ACVR2B: variants seen among roughly 807,000 people sequenced by gnomAD.
The protein encoded by ACVR2B is activin A receptor type 2B.
A neutral mutation model predicts 65.1 loss-of-function variants in ACVR2B; 18 were observed. The observed-to-expected ratio is 0.28, with a 90% CI of 0.19 to 0.41. The LOEUF is 0.41. Ranked by LOEUF, ACVR2B falls within the 10% of genes least tolerant of loss-of-function variation. ACVR2B has a pLI of 1.00. For synonymous variants in ACVR2B, 298 were observed against 277.7 expected (o/e 1.07, Z -0.73); for missense variants, 482 against 682.7 (o/e 0.71, Z 3.28).
chr3:38,477,799 C>CAGGATAGAGGTGGGG lies in ACVR2B; in HGVS notation c.261-59_261-58insATAGAGGTGGGGAGG. 6.5e-7 allele frequency: 1 copy of CAGGATAGAGGTGGGG among 1,542,130 alleles called. No individual in the cohort carries two copies. Among genetic ancestry groups the CAGGATAGAGGTGGGG allele is most frequent in the Non-Finnish European group, 9.0e-7 (1 of 1,114,382 alleles). On this transcript the variant is annotated intron_variant, in intron 2 of 10. Coordinates refer to ENST00000352511, the MANE Select transcript of ACVR2B (RefSeq NM_001106.4). The surrounding 1 kb of genome is among the most constrained non-coding windows in gnomAD (Gnocchi z 6.7). ...TGTCTGTGAGGAGGGGTTGGCAGGGCAGGCCTGGGGGAGTCTTGCATCCCC... is the reference window on the plus strand; with the variant it reads ...TGTCTGTGAGGAGGGGTTGGCAGGGCAGGATAGAGGTGGGGAGGCCTGGGGGAGTCTTGCATCCCC...
At chr3:38,454,674 C>T in intron 1 of ACVR2B, 1 of 280,832 alleles carries the variant, frequency 3.6e-6, no homozygotes, top group East Asian at 5.7e-5. Flanking sequence ...CGCGTGGAAC[C>T]CAGGGAAAGA....
chr3:38,469,123 C>T (rs1414853377), intron 1 of ACVR2B, among the ~76,000 whole-genome samples: 3 of 152,160 alleles, frequency 2.0e-5, no homozygotes, highest in African/African-American at 7.2e-5. Flanking sequence ...ATTTACATTT[C>T]TGGCATTTGT....
chr3:38,468,917 C>T (rs1006076965), intron 1 of ACVR2B, among the ~76,000 whole-genome samples: 2 of 152,186 alleles, frequency 1.3e-5, no homozygotes, highest in African/African-American at 4.8e-5. Flanking sequence ...GGAAGCTCTC[C>T]TTCCAGTGTT....
rs375094633 is a variant in ACVR2B at position 38,478,251 on chromosome 3, C to G, written c.481C>G (p.Arg161Gly). 9 of 1,613,956 alleles carry G rather than the reference C, an allele frequency of 5.6e-6. No homozygotes were observed. The highest frequency in any genetic ancestry group is 1.7e-6 in the Non-Finnish European group (2 of 1,180,014). ...CGTCCTGCTGGCCTTTTGGATGTAC[C>G]GGCATCGCAAGCCCCCCTACGGTCA... ...LIVLLAFWMY[R>G]HRKPPYGHVD... Residue 161 changes from arginine (R) to glycine (G), a missense_variant, in exon 4 of 11, where the codon CGG becomes GGG. By Grantham distance (125) the Arg-to-Gly change is moderately radical (BLOSUM62 -2). Around this residue, in one of 5 missense-constraint regions of ACVR2B, gnomAD observed 95 missense variants for 91.6 expected, o/e 1.04. Transcript: ENST00000352511.
At position 38,485,390 on chromosome 3, in the gene ACVR2B, C is replaced by T. The variant is rs1299382294; in HGVS notation, c.*2058C>T. The T allele has an allele frequency of 6.6e-6, 1 of 152,280 alleles. No individual in the cohort carries two copies. Among genetic ancestry groups the T allele is most frequent in the Non-Finnish European group, 1.5e-5 (1 of 68,096 alleles). The allele number at this position is 152,280 out of a possible 1,614,324, so 9.4% of individuals were successfully genotyped here. A position where few individuals can be genotyped will look rare whatever the true frequency, so the allele number is the denominator to read the frequency against. On this transcript the variant is annotated 3_prime_UTR_variant, in exon 11 of 11. Transcript: ENST00000352511. ...GAAGCACACCGTGACTCAGGCCAGT[C>T]TTTTAGTGCAGCGTGTCTGGGAGTG... is the stretch of plus-strand genomic sequence containing the variant.
In ACVR2B at chr3:38,482,470, T is replaced by C. The variant is rs375131694; in HGVS notation, c.1254T>C (p.Ile418=). ...DEYMLPFEEE[I]GQHPSLEELQ... is the part of the protein sequence containing the mutation. ...ACATGCTGCCCTTTGAGGAAGAGAT[T>C]GGCCAGCACCCTTCGTTGGAGGAGC... Residue 418 remains isoleucine (I), a synonymous_variant, in exon 10 of 11, where the codon ATT becomes ATC. Coordinates refer to ENST00000352511, the MANE Select transcript of ACVR2B (RefSeq NM_001106.4). 1.5e-5 allele frequency: 24 copies of C among 1,612,774 alleles called. No individual in the cohort carries two copies. The highest frequency in any genetic ancestry group is 1.9e-5 in the Non-Finnish European group (23 of 1,179,864).
intron 1 of ACVR2B, chr3:38,454,912 G>T (rs1276769109): frequency 6.6e-6 from 1 of 152,334 alleles, no homozygotes; most frequent in Non-Finnish European, 1.5e-5. Context: ...GGCTGTTGGT[G>T]CTGGCTCCCA....
At chr3:38,460,550 G>A (rs964470210) in intron 1 of ACVR2B, among the ~76,000 whole-genome samples, 1 of 152,170 alleles carries the variant, frequency 6.6e-6, no homozygotes, top group African/African-American at 2.4e-5. Context: ...GCTTTCCCCT[G>A]GTTATTCTAG....
Position 38,477,276 on chromosome 3 carries a change from CTG to C in ACVR2B, c.53-10_53-9del. On this transcript the variant is annotated splice_polypyrimidine_tract_variant and intron_variant, in intron 1 of 10. Transcript: ENST00000352511. The surrounding 1 kb of genome is among the most constrained non-coding windows in gnomAD (Gnocchi z 6.7). Reference sequence around the variant, plus strand: ...GGCATGCTCAGTGGTTCTCTTTTCTCTGGGGCACAGGCTCTGGGCGTGGGGAG... The same window carrying C: ...GGCATGCTCAGTGGTTCTCTTTTCTCGGGCACAGGCTCTGGGCGTGGGGAG... 6.2e-7 allele frequency: 1 copy of C among 1,613,922 alleles called. No individual in the cohort carries two copies. Among genetic ancestry groups the C allele is most frequent in the Non-Finnish European group, 8.5e-7 (1 of 1,179,900 alleles).
In ACVR2B at chr3:38,481,512, A is replaced by G. The variant is rs1483181293; in HGVS notation, c.1074+47A>G. The G allele has an allele frequency of 3.9e-6, 6 of 1,533,396 alleles. No individual in the cohort carries two copies. The highest frequency in any genetic ancestry group is 1.1e-5 in the South Asian group (1 of 89,426). 95.0% of individuals were successfully genotyped at this position (1,533,396 alleles called of 1,614,324 possible). On this transcript the variant is annotated intron_variant, in intron 8 of 10. Transcript: ENST00000352511. This position sits in a 1 kb window ranked among gnomAD's most constrained non-coding sequence, Gnocchi z 4.7. ...GAAGAGAGGGACAGACCCAGGGTAG[A>G]TACTTTGCCCTTTTTGTGCTCAGCT...
intron 1 of ACVR2B, chr3:38,476,170 G>A (rs1709904534): frequency 6.6e-6 from 1 of 152,342 alleles, no homozygotes; most frequent in South Asian, 2.1e-4. Context: ...TGCGGGTAGT[G>A]GGAGTAGACT....
Position 38,485,118 on chromosome 3 carries a change from G to GGGGGCCGTGGGGA in ACVR2B, c.*1788_*1800dup, listed in dbSNP as rs1414124674. The stretch of plus-strand genomic sequence containing the variant: ...TCTTCATCGTGAGGGTAGGCAAGGC[G>GGGGGCCGTGGGGA]GGGGCCGTGGGGAGAGGTTGACCTG... On this transcript the variant is annotated 3_prime_UTR_variant, in exon 11 of 11. Coordinates refer to ENST00000352511, the MANE Select transcript of ACVR2B (RefSeq NM_001106.4). 2 of 152,178 alleles carry GGGGGCCGTGGGGA rather than the reference G, an allele frequency of 1.3e-5. No individual in the cohort carries two copies. The highest frequency in any genetic ancestry group is 2.9e-5 in the Non-Finnish European group (2 of 68,036). The allele number at this position is 152,178 out of a possible 1,614,324, so 9.4% of individuals were successfully genotyped here.
At chr3:38,474,123 C>G (rs1709867131) in intron 1 of ACVR2B, 1 of 152,418 alleles carries the variant, frequency 6.6e-6, no homozygotes, top group South Asian at 2.1e-4. Context: ...CTCAGGTGAT[C>G]TGCCCGTCTC....
intron 1 of ACVR2B, among the ~76,000 whole-genome samples, chr3:38,466,486 T>C (rs1709729970): frequency 1.3e-5 from 2 of 150,942 alleles, no homozygotes; most frequent in African/African-American, 2.4e-5. Context: ...TTATTACGTG[T>C]CAATTTTTAA....
At chr3:38,470,326 G>GA (rs145293390) in intron 1 of ACVR2B, among the ~76,000 whole-genome samples, 1 of 151,926 alleles carries the variant, frequency 6.6e-6, no homozygotes, top group Non-Finnish European at 1.5e-5. Context: ...CAGCCAGAAA[G>GA]AAAAAAACAG....
chr3:38,454,436 C>T, intron 1 of ACVR2B, 62 bp downstream of exon 1: 2 of 1,213,026 alleles, frequency 1.6e-6, no homozygotes, highest in Non-Finnish European at 2.1e-6. Flanking sequence ...TCTGGCGCCG[C>T]GCGGTGTTTA....
rs1402165100 is a variant in ACVR2B, at chr3:38,489,077, C to T, written c.*5745C>T. 2 of 152,352 alleles carry T rather than the reference C, an allele frequency of 1.3e-5. No individual in the cohort carries two copies. Among genetic ancestry groups the T allele is most frequent in the Admixed American group, 6.5e-5 (1 of 15,272 alleles). 9.4% of individuals were successfully genotyped at this position (152,352 alleles called of 1,614,324 possible). On this transcript the variant is annotated 3_prime_UTR_variant, in exon 11 of 11. Transcript: ENST00000352511. ...GTTTTTCAGGCAGGTGAGGATGGGTCTTCTTGCAAATGCATGAGTTCTGTC... is the reference window on the plus strand; with the variant it reads ...GTTTTTCAGGCAGGTGAGGATGGGTTTTCTTGCAAATGCATGAGTTCTGTC...
chr3:38,478,940 G>A (rs1405740360), intron 5 of ACVR2B, among the ~76,000 whole-genome samples, 188 bp from the exon 6 acceptor site: 1 of 151,742 alleles, frequency 6.6e-6, no homozygotes, highest in Non-Finnish European at 1.5e-5. Context: ...ATGCTCTGGG[G>A]CCTAGCTTAA....
In ACVR2B at chr3:38,483,713, T is replaced by C. The variant is rs1399652082; in HGVS notation, c.*381T>C. 1.9e-5 allele frequency: 3 copies of C among 156,814 alleles called. No individual in the cohort carries two copies. The highest frequency in any genetic ancestry group is 4.2e-5 in the Non-Finnish European group (3 of 71,722). The allele number at this position is 156,814 out of a possible 1,614,324, so 9.7% of individuals were successfully genotyped here. The stretch of plus-strand genomic sequence containing the variant: ...AGAATCTGTGACACAAAGAAACCCA[T>C]CTCCTGTCTTAGGAAACCTAATGCT... On this transcript the variant is annotated 3_prime_UTR_variant, in exon 11 of 11. Coordinates refer to ENST00000352511, the MANE Select transcript of ACVR2B (RefSeq NM_001106.4). The surrounding 1 kb of genome is among the most constrained non-coding windows in gnomAD (Gnocchi z 4.8).
Sources: gnomAD v4.1 joint callset for allele counts (sites outside exome capture counted in the v4.1 genomes callset) on GRCh38, gnomAD v4.1.1 for gene constraint, gnomAD v4.1.1 regional missense constraint, Gnocchi (gnomAD v3.1) non-coding constraint, MANE v1.5 for transcripts, NCBI Gene and HGNC (gene_info 2026-07-23, HGNC 2026-07-21) for gene names.